Variants in CSMD1 observed in about 807,000 individuals in gnomAD.
CSMD1 encodes the protein CUB and sushi domain-containing protein 1.
A neutral mutation model predicts 417.5 loss-of-function variants in CSMD1; 213 were observed. The observed-to-expected ratio is 0.51, with a 90% CI of 0.46 to 0.57. The LOEUF is 0.57. CSMD1 is among the 20% of genes least tolerant of loss of function. The pLI is 0.00. For synonymous variants in CSMD1, 2,862 were observed against 1,736.8 expected (o/e 1.65, Z -16.11); for missense variants, 6,923 against 4,529.7 (o/e 1.53, Z -15.17).
At chr8:4,223,040 G>C (rs191524713) in intron 3 of CSMD1, among the ~76,000 whole-genome samples, 1 of 151,940 alleles carries the variant, frequency 6.6e-6, no homozygotes, top group Non-Finnish European at 1.5e-5. Context: ...ACTGACAACA[G>C]GCTTCCTACA....
At chr8:4,342,678 C>A (rs1292593835) in intron 3 of CSMD1, among the ~76,000 whole-genome samples, 2 of 151,950 alleles carry the variant, frequency 1.3e-5, no homozygotes, top group African/African-American at 4.8e-5. Context: ...GAACTGGCTG[C>A]CCAGCGATAG....
At chr8:4,670,262 C>T (rs1218382602) in intron 1 of CSMD1, among the ~76,000 whole-genome samples, 7 of 152,150 alleles carry the variant, frequency 4.6e-5, no homozygotes, top group African/African-American at 1.7e-4. Flanking sequence ...GGCCTTTAGT[C>T]TCCTGGAAGC....
chr8:3,283,438 CG>C lies in CSMD1; in HGVS notation c.4153+705del, dbSNP rs199647733. ...ACTAATTGAAACCTTTAAAGTCGTA[CG>C]TTTTTTTTTTTATGTAACTAAGTAG... On this transcript the variant is annotated intron_variant, in intron 26 of 69. Coordinates refer to ENST00000635120, the MANE Select transcript of CSMD1 (RefSeq NM_033225.6). Among the ~76,000 whole-genome samples, 293 of 151,682 alleles carry C rather than the reference CG, an allele frequency of 1.9e-3. 1 individual carries two copies. In the East Asian group the frequency reaches 0.022, roughly 11 times the overall value.
chr8:3,831,057 G>A (rs1354648655), intron 5 of CSMD1, among the ~76,000 whole-genome samples: 1 of 152,072 alleles, frequency 6.6e-6, no homozygotes, highest in Non-Finnish European at 1.5e-5. Context: ...TTTGGGTGTT[G>A]GAAATGTCCA....
chr8:3,219,473 G>A (rs376764648), intron 28 of CSMD1, 31 bp from the exon 29 acceptor site: 196 of 1,368,022 alleles, frequency 1.4e-4, no homozygotes, highest in African/African-American at 1.1e-3. Flanking sequence ...TATGTCATAC[G>A]GCTAACAGAT....
intron 33 of CSMD1, among the ~76,000 whole-genome samples, chr8:3,197,697 C>T (rs989620588): frequency 6.6e-6 from 1 of 152,016 alleles, no homozygotes. Context: ...ATCTCCTGAC[C>T]TCGTGATCCG....
In CSMD1 at chr8:4,002,538, T is replaced by G. The variant is rs572964424; in HGVS notation, c.611-4428A>C. Reference sequence around the variant, plus strand: ...AGAGGAAACAGTTTTCAAAGCCCATTTCGACTGAGAAAAATTAATTACTTA... The same window carrying G: ...AGAGGAAACAGTTTTCAAAGCCCATGTCGACTGAGAAAAATTAATTACTTA... On this transcript the variant is annotated intron_variant, in intron 4 of 69. Coordinates refer to ENST00000635120, the MANE Select transcript of CSMD1 (RefSeq NM_033225.6). 3.3e-4 allele frequency among the ~76,000 whole-genome samples: 51 copies of G among 152,310 alleles called. No homozygotes were observed. The Middle Eastern group carries it at 0.017, about 51-fold the overall frequency.
intron 10 of CSMD1, among the ~76,000 whole-genome samples, chr8:3,539,538 A>C (rs1030636008): frequency 6.6e-6 from 1 of 152,158 alleles, no homozygotes; most frequent in African/African-American, 2.4e-5. Context: ...TTCTCATTTT[A>C]AACGTGCAAG....
chr8:4,859,653 G>GA (rs1303643178), intron 1 of CSMD1, among the ~76,000 whole-genome samples: 2 of 152,154 alleles, frequency 1.3e-5, no homozygotes, highest in African/African-American at 4.8e-5. Context: ...AAAAACACAT[G>GA]AAAAAATGCT....
intron 1 of CSMD1, among the ~76,000 whole-genome samples, chr8:4,664,772 G>C (rs369414969): frequency 5.9e-5 from 9 of 152,092 alleles, no homozygotes; most frequent in East Asian, 5.8e-4. Flanking sequence ...TATTCACATA[G>C]TTTGGAACTA....
In CSMD1 at chr8:2,935,623, A is replaced by T. The variant is rs1801400142; in HGVS notation, c.*2962T>A. The T allele has an allele frequency of 6.6e-6, 1 of 152,214 alleles. No homozygotes were observed. Among genetic ancestry groups the T allele is most frequent in the Admixed American group, 6.5e-5 (1 of 15,288 alleles). The allele number at this position is 152,214 out of a possible 1,614,324, so 9.4% of individuals were successfully genotyped here. ...ACAATGTACCTACATTAATCAAAAAATTACAGCATATTTAATAATTTTACA... is the reference window on the plus strand; with the variant it reads ...ACAATGTACCTACATTAATCAAAAATTTACAGCATATTTAATAATTTTACA... On this transcript the variant is annotated 3_prime_UTR_variant, in exon 70 of 70. Coordinates refer to ENST00000635120, the MANE Select transcript of CSMD1 (RefSeq NM_033225.6).
chr8:3,411,819 T>TATATATGCAC lies in CSMD1; in HGVS notation c.1562-2215_1562-2214insGTGCATATAT, dbSNP rs1162514239. ...ACGTATATATACACGTATATATACG[T>TATATATGCAC]GTATATGTATATATGCACGTATATA... On this transcript the variant is annotated intron_variant, in intron 12 of 69. Coordinates refer to ENST00000635120, the MANE Select transcript of CSMD1 (RefSeq NM_033225.6). 4.0e-4 allele frequency among the ~76,000 whole-genome samples: 43 copies of TATATATGCAC among 108,194 alleles called. 2 individuals carry two copies. The highest frequency in any genetic ancestry group is 1.2e-3 in the African/African-American group (34 of 28,044). 71.0% of individuals were successfully genotyped at this position (108,194 alleles called of 152,430 possible). A position where few individuals can be genotyped will look rare whatever the true frequency, so the allele number is the denominator to read the frequency against.
intron 1 of CSMD1, among the ~76,000 whole-genome samples, chr8:4,698,905 C>T (rs1181618146): frequency 1.1e-4 from 10 of 92,164 alleles, no homozygotes; most frequent in African/African-American, 6.7e-4. Flanking sequence ...ACCCTCCCAA[C>T]ACACACACAC....
chr8:4,615,841 C>G (rs1801443643), intron 2 of CSMD1, among the ~76,000 whole-genome samples: 1 of 152,050 alleles, frequency 6.6e-6, no homozygotes, highest in Non-Finnish European at 1.5e-5. Flanking sequence ...CTTCCTTTTT[C>G]TGATATATTA....
chr8:4,326,031 A>T (rs79970083), intron 3 of CSMD1, among the ~76,000 whole-genome samples: 6 of 152,226 alleles, frequency 3.9e-5, no homozygotes, highest in African/African-American at 1.4e-4. Context: ...TTTTAAAGCA[A>T]TATTTGTTGA....
At chr8:3,516,384 T>C (rs1033505352) in intron 10 of CSMD1, among the ~76,000 whole-genome samples, 1 of 152,192 alleles carries the variant, frequency 6.6e-6, no homozygotes, top group Non-Finnish European at 1.5e-5. Context: ...AGAAAAATAC[T>C]GGGATGTGTC....
chr8:3,671,019 ATG>A (rs1798995834), intron 7 of CSMD1, among the ~76,000 whole-genome samples: 1 of 93,576 alleles, frequency 1.1e-5, no homozygotes, highest in African/African-American at 4.0e-5. Context: ...ATATATGTAT[ATG>A]GGATATATGC....
intron 3 of CSMD1, among the ~76,000 whole-genome samples, chr8:4,168,072 G>T (rs958376053): frequency 3.0e-4 from 45 of 151,674 alleles, no homozygotes; most frequent in Non-Finnish European, 5.9e-4. Flanking sequence ...GAAGTTGTAG[G>T]GAGCTGAAAT....
chr8:3,170,344 A>C (rs1444418371), intron 37 of CSMD1, among the ~76,000 whole-genome samples: 1 of 152,112 alleles, frequency 6.6e-6, no homozygotes, highest in African/African-American at 2.4e-5. Flanking sequence ...AGTAGCTGGG[A>C]CTACAGGCGC....
Sources: allele counts gnomAD v4.1 joint callset (sites outside exome capture counted in the v4.1 genomes callset), GRCh38; gene constraint gnomAD v4.1.1; transcripts MANE v1.5; gene names NCBI Gene and HGNC (gene_info 2026-07-23, HGNC 2026-07-21).